The following ZNF568 variants were observed in gnomAD, a reference collection of about 807,000 sequenced individuals.
ZNF568 encodes p53 inhibitor of SCO2 activation.
A neutral mutation model predicts 18.1 loss-of-function variants in ZNF568; 11 were observed. The ratio of observed to expected loss-of-function variants is 0.61; its 90% confidence interval spans 0.38 to 1.00. The LOEUF (loss-of-function observed/expected upper bound fraction) is 1.00, where lower values mean the gene tolerates loss of function less well. Ranked by LOEUF, ZNF568 falls within the 50% of genes least tolerant of loss-of-function variation. The pLI is 0.01. For synonymous variants in ZNF568, 213 were observed against 246.6 expected (o/e 0.86, Z 1.28); for missense variants, 639 against 768.2 (o/e 0.83, Z 1.99).
chr19:36,995,167 G>T (rs1035372180), intron 4 of ZNF568, among the ~76,000 whole-genome samples: 3 of 152,050 alleles, frequency 2.0e-5, no homozygotes. Context: ...GAAGGCCGAG[G>T]TGGGCAGATC....
intron 6 of ZNF568, among the ~76,000 whole-genome samples, chr19:36,942,526 G>C (rs1006095901): frequency 1.4e-5 from 2 of 147,102 alleles, no homozygotes; most frequent in Non-Finnish European, 3.0e-5. Context: ...GTGAACCCAG[G>C]AGGCAGAGCT....
chr19:36,995,356 G>A (rs1240050868), intron 4 of ZNF568, among the ~76,000 whole-genome samples: 1 of 152,108 alleles, frequency 6.6e-6, no homozygotes, highest in East Asian at 1.9e-4. Flanking sequence ...CTGAGATCAC[G>A]TCATTGCACT....
At chr19:36,996,095 C>T (rs1644694) in intron 4 of ZNF568, among the ~76,000 whole-genome samples, 3,741 of 152,128 alleles carry the variant, frequency 0.025, 160 homozygotes, top group African/African-American at 0.084. Context: ...CTGGGTGCAG[C>T]GGCTCACACC....
intron 6 of ZNF568, among the ~76,000 whole-genome samples, chr19:36,945,911 G>A (rs1366294554): frequency 6.6e-6 from 1 of 151,862 alleles, no homozygotes; most frequent in African/African-American, 2.4e-5. Context: ...GGCCAACATG[G>A]TGAAACCCTG....
chr19:36,933,927 T>G (rs1176828643), intron 4 of ZNF568, among the ~76,000 whole-genome samples: 1 of 138,744 alleles, frequency 7.2e-6, no homozygotes, highest in Non-Finnish European at 1.6e-5. Context: ...TTTTTTTGTT[T>G]TTTTTTTTTT....
chr19:36,925,141 T>C, intron 3 of ZNF568, 59 bp from the exon 4 acceptor site: 1 of 1,535,438 alleles, frequency 6.5e-7, no homozygotes. Context: ...GTACTGAAGA[T>C]TTCTATATTC....
intron 6 of ZNF568, among the ~76,000 whole-genome samples, chr19:36,967,677 C>T (rs953112709): frequency 1.3e-5 from 2 of 152,210 alleles, no homozygotes; most frequent in Non-Finnish European, 2.9e-5. Context: ...AAAAGCTTCT[C>T]ATCCATCCAT....
chr19:36,947,074 G>A (rs1202374471), intron 6 of ZNF568, among the ~76,000 whole-genome samples: 2 of 151,324 alleles, frequency 1.3e-5, no homozygotes, highest in African/African-American at 4.9e-5. Flanking sequence ...GGAGTGCAGC[G>A]GCACGATCTC....
At chr19:36,949,488 A>T in intron 6 of ZNF568, 24 bp from the exon 7 acceptor site, 1 of 1,536,196 alleles carries the variant, frequency 6.5e-7, no homozygotes, top group South Asian at 1.3e-5. Flanking sequence ...TTCACAAGTA[A>T]TAATTTCTGG....
chr19:36,987,606 CCTTCAAGTCT>C (rs1416635832), intron 2 of ZNF568, among the ~76,000 whole-genome samples: 11 of 35,136 alleles, frequency 3.1e-4, no homozygotes, highest in African/African-American at 1.5e-3. Context: ...CTTTGGGGTG[CCTTCAAGTCT>C]TTGGGGTGCC....
chr19:36,929,965 CT>C (rs2073656642), intron 4 of ZNF568, among the ~76,000 whole-genome samples: 1 of 141,070 alleles, frequency 7.1e-6, no homozygotes, highest in East Asian at 2.1e-4. Context: ...TTTTTTGGTT[CT>C]GTTTGACAGG....
intron 4 of ZNF568, among the ~76,000 whole-genome samples, chr19:36,927,891 ATATATATATATATTTTTTTTTTT>A (rs1568381531): frequency 7.7e-4 from 19 of 24,742 alleles, no homozygotes; most frequent in African/African-American, 4.6e-3. Flanking sequence ...TATATATTAT[ATATATATATATATTTTTTTTTTT>A]TTTTTTTTTT....
At chr19:36,922,915 ATTCATTACTCCTAC>A in intron 3 of ZNF568, 69 bp downstream of exon 3, 1 of 1,388,884 alleles carries the variant, frequency 7.2e-7, no homozygotes, top group Non-Finnish European at 1.0e-6. Flanking sequence ...GTGAAAAGAA[ATTCATTACTCCTAC>A]TGAGAAAGGT....
chr19:36,973,130 C>T (rs1385187043), intron 6 of ZNF568: 5 of 152,356 alleles, frequency 3.3e-5, no homozygotes, highest in Admixed American at 3.3e-4. Flanking sequence ...GGGTGGCGCA[C>T]CCACCTCTGG....
At chr19:36,997,136 G>C in exon 5 of ZNF568, 1 of 1,576,252 alleles carries the variant, frequency 6.3e-7, no homozygotes, top group Non-Finnish European at 8.6e-7. Flanking sequence ...TATGAATGCA[G>C]GGAGTGTGGA....
downstream of ZNF568, among the ~76,000 whole-genome samples, chr19:36,953,534 A>G (rs1462537936): frequency 3.3e-5 from 5 of 152,138 alleles, no homozygotes; most frequent in African/African-American, 7.2e-5. Context: ...ACATGAACCA[A>G]CCCTTACAGA....
downstream of ZNF568, chr19:36,997,608 A>G (rs763686221): frequency 2.6e-6 from 4 of 1,543,206 alleles, no homozygotes; most frequent in Non-Finnish European, 3.5e-6. Context: ...GACACCAGAA[A>G]ATTCATACTG....
chr19:36,953,761 A>T (rs1219390892), downstream of ZNF568, among the ~76,000 whole-genome samples: 1 of 151,944 alleles, frequency 6.6e-6, no homozygotes, highest in Non-Finnish European at 1.5e-5. Flanking sequence ...AAAATACAAA[A>T]ATTAGCCAGG....
intron 4 of ZNF568, among the ~76,000 whole-genome samples, chr19:36,933,898 GGT>G (rs1491201065): frequency 7.8e-5 from 2 of 25,776 alleles, no homozygotes; most frequent in African/African-American, 5.6e-4. Flanking sequence ...CTTTTGGGTA[GGT>G]TTTTTTTTTT....
Sources: allele counts gnomAD v4.1 joint callset (sites outside exome capture counted in the v4.1 genomes callset), GRCh38; gene constraint gnomAD v4.1.1; transcripts MANE v1.5; gene names NCBI Gene and HGNC (gene_info 2026-07-23, HGNC 2026-07-21).